The following KIAA1671 variants were observed in gnomAD, a reference collection of about 807,000 sequenced individuals.
The protein encoded by KIAA1671 is KIAA1671.
A neutral mutation model predicts 131.2 loss-of-function variants in KIAA1671; 52 were observed. The observed-to-expected ratio is 0.40, with a 90% CI of 0.32 to 0.50. The LOEUF is 0.50. Ranked by LOEUF, KIAA1671 falls within the 20% of genes least tolerant of loss-of-function variation. The probability of loss-of-function intolerance (pLI) is 0.73; values close to 1 mark genes in which losing one functional copy is unlikely to be tolerated. For missense variants in KIAA1671, 2,360 were observed against 2,364.2 expected, an observed-to-expected ratio of 1.00 and a Z score of 0.04; for synonymous variants, 1,003 against 961.6, an observed-to-expected ratio of 1.04 and a Z score of -0.80.
chr22:25,174,480 C>A lies in KIAA1671; in HGVS notation c.4890C>A (p.Ser1630=). The A allele has an allele frequency of 6.6e-7, 1 of 1,520,218 alleles. No individual in the cohort carries two copies. The highest frequency in any genetic ancestry group is 1.2e-5 in the South Asian group (1 of 80,228). The allele number at this position is 1,520,218 out of a possible 1,614,324, so 94.2% of individuals were successfully genotyped here. The part of the protein sequence containing the change: ...ACPEKRVDDF[S]FIDQTSVLDS... ...CTGAAAAGAGAGTAGATGACTTCTCCTTCATTGATGTAAGTCAGTGGCCAG... is the reference window on the plus strand; with the variant it reads ...CTGAAAAGAGAGTAGATGACTTCTCATTCATTGATGTAAGTCAGTGGCCAG... The change falls in exon 8 of 13, where the codon TCC becomes TCA. Residue 1630 remains serine (S), a synonymous_variant. Transcript: ENST00000358431.
At chr22:25,003,042 G>T (rs1475135418) in intron 1 of KIAA1671, among the ~76,000 whole-genome samples, 1 of 152,110 alleles carries the variant, frequency 6.6e-6, no homozygotes, top group African/African-American at 2.4e-5. Context: ...CAAAGTGCTG[G>T]GATTACAGGC....
chr22:25,000,186 T>G (rs2123859433), intron 1 of KIAA1671, among the ~76,000 whole-genome samples: 1 of 62,124 alleles, frequency 1.6e-5, no homozygotes, highest in Admixed American at 1.4e-4. Flanking sequence ...CCTCGCCTGT[T>G]TTTTTTTTTT....
At chr22:25,117,983 A>G (rs1208544212) in intron 6 of KIAA1671, among the ~76,000 whole-genome samples, 1 of 151,898 alleles carries the variant, frequency 6.6e-6, no homozygotes, top group Non-Finnish European at 1.5e-5. Context: ...TACTAAAAAT[A>G]CAAAATTAGC....
chr22:25,076,854 G>C (rs1474159314), intron 6 of KIAA1671, among the ~76,000 whole-genome samples: 2 of 152,110 alleles, frequency 1.3e-5, no homozygotes, highest in Admixed American at 6.6e-5. Context: ...CTTTCAGAGG[G>C]GTCTCATTAT....
At chr22:24,970,591 G>T (rs1922549125) in intron 1 of KIAA1671, among the ~76,000 whole-genome samples, 1 of 152,056 alleles carries the variant, frequency 6.6e-6, no homozygotes, top group South Asian at 2.1e-4. Flanking sequence ...CACATCGTCA[G>T]TGCCTCTTCC....
chr22:25,020,535 C>A (rs1459885787), intron 1 of KIAA1671, among the ~76,000 whole-genome samples: 1 of 152,078 alleles, frequency 6.6e-6, no homozygotes, highest in Non-Finnish European at 1.5e-5. Context: ...TGAACAGGAC[C>A]CAGGACCCTT....
intron 6 of KIAA1671, chr22:25,070,488 A>G: frequency 2.4e-6 from 1 of 419,088 alleles, no homozygotes. Flanking sequence ...CTTCCTGTCA[A>G]CTTTGCTTTT....
intron 6 of KIAA1671, among the ~76,000 whole-genome samples, chr22:25,147,109 G>A (rs1277478536): frequency 6.6e-6 from 1 of 152,138 alleles, no homozygotes; most frequent in Non-Finnish European, 1.5e-5. Context: ...TGATCCAAAC[G>A]TCAAACATGC....
At chr22:25,168,865 T>C (rs1289903556) in intron 6 of KIAA1671, among the ~76,000 whole-genome samples, 1 of 151,934 alleles carries the variant, frequency 6.6e-6, no homozygotes, top group African/African-American at 2.4e-5. Context: ...ATAGAGAGTT[T>C]GTTTGGAGCA....
At chr22:25,045,393 C>T (rs1927167283) in intron 5 of KIAA1671, among the ~76,000 whole-genome samples, 1 of 152,206 alleles carries the variant, frequency 6.6e-6, no homozygotes, top group Non-Finnish European at 1.5e-5. Flanking sequence ...AGAAGCCAAG[C>T]ATGCTGCCCA....
chr22:25,179,312 G>T, intron 9 of KIAA1671: 1 of 1,582,366 alleles, frequency 6.3e-7, no homozygotes, highest in Non-Finnish European at 8.6e-7. Flanking sequence ...CGGGCCCTTA[G>T]CCCGACATCT....
chr22:25,147,955 T>G (rs1321915112), intron 6 of KIAA1671, among the ~76,000 whole-genome samples: 1 of 151,946 alleles, frequency 6.6e-6, no homozygotes, highest in African/African-American at 2.4e-5. Context: ...GATCTGTCCT[T>G]CCTCCTTTCC....
chr22:25,029,264 A>G lies in KIAA1671; in HGVS notation c.1265A>G (p.Asp422Gly). Residue 422 changes from aspartate (D) to glycine (G), a missense_variant, in exon 3 of 13, where the codon GAT becomes GGT. By Grantham distance (94) the Asp-to-Gly change is moderately conservative (BLOSUM62 -1). Around this residue, in one of 3 missense-constraint regions of KIAA1671, gnomAD observed 1,185 missense variants for 1,126.2 expected, o/e 1.05. Coordinates refer to ENST00000358431, the MANE Select transcript of KIAA1671 (RefSeq NM_001145206.2). ...ELAEVKSRVA[D>G]GEAAAGGEWA... ...GCTGAGGTTAAGAGCAGAGTGGCGG[A>G]TGGGGAGGCCGCGGCAGGGGGAGAG... 6.7e-7 allele frequency: 1 copy of G among 1,500,134 alleles called. No homozygotes were observed. The highest frequency in any genetic ancestry group is 2.1e-5 in the Admixed American group (1 of 46,866). The allele number at this position is 1,500,134 out of a possible 1,614,324, so 92.9% of individuals were successfully genotyped here. A position where few individuals can be genotyped will look rare whatever the true frequency, so the allele number is the denominator to read the frequency against.
chr22:25,142,533 A>T (rs1389404672), intron 6 of KIAA1671, among the ~76,000 whole-genome samples: 2 of 152,102 alleles, frequency 1.3e-5, no homozygotes, highest in East Asian at 3.9e-4. Context: ...TTGGGTCCAC[A>T]GGGGCTGAGG....
intron 6 of KIAA1671, among the ~76,000 whole-genome samples, chr22:25,163,328 C>CA: frequency 2.2e-5 from 2 of 90,426 alleles, no homozygotes; most frequent in African/African-American, 9.4e-5. Flanking sequence ...GACATTGCCT[C>CA]AAATTTTTTT....
intron 6 of KIAA1671, among the ~76,000 whole-genome samples, chr22:25,079,387 T>C (rs738325): frequency 0.78 from 118,833 of 152,050 alleles, 47,110 homozygotes; most frequent in African/African-American, 0.92. Context: ...CCGGCCAGAA[T>C]TAACATTCTA....
intron 1 of KIAA1671, among the ~76,000 whole-genome samples, chr22:24,976,163 A>C (rs1922899415): frequency 6.6e-6 from 1 of 152,208 alleles, no homozygotes; most frequent in South Asian, 2.1e-4. Context: ...TGAGCCGGGC[A>C]CATCCCCCTG....
At chr22:25,065,648 T>TTA (rs992091670) in intron 6 of KIAA1671, among the ~76,000 whole-genome samples, 2 of 143,102 alleles carry the variant, frequency 1.4e-5, no homozygotes, top group Non-Finnish European at 3.1e-5. Flanking sequence ...ATTATTATTA[T>TTA]TTTTTTTTTT....
At chr22:25,184,359 A>C (rs1292578302) in intron 10 of KIAA1671, among the ~76,000 whole-genome samples, 1 of 152,200 alleles carries the variant, frequency 6.6e-6, no homozygotes, top group Non-Finnish European at 1.5e-5. Flanking sequence ...AGCAAAAGTG[A>C]TGGGTGATCA....
Sources: gnomAD v4.1 joint callset for allele counts (sites outside exome capture counted in the v4.1 genomes callset) on GRCh38, gnomAD v4.1.1 for gene constraint, gnomAD v4.1.1 regional missense constraint, MANE v1.5 for transcripts, NCBI Gene and HGNC (gene_info 2026-07-23, HGNC 2026-07-21) for gene names.